The following KIF20B variants were observed in gnomAD, a reference collection of about 807,000 sequenced individuals.
KIF20B encodes the protein kinesin family member 20B, also known as kinesin-like protein KIF20B.
A neutral mutation model predicts 232.5 loss-of-function variants in KIF20B; 188 were observed. That is an observed-to-expected ratio of 0.81 (90% confidence interval 0.72 to 0.91). The LOEUF is 0.91. Ranked by LOEUF, KIF20B falls within the 40% of genes least tolerant of loss-of-function variation. KIF20B has a pLI of 0.00. For synonymous variants in KIF20B, 712 were observed against 683.0 expected, an observed-to-expected ratio of 1.04 and a Z score of -0.66; for missense variants, 2,154 against 2,055.9, an observed-to-expected ratio of 1.05 and a Z score of -0.92.
At chr10:89,745,511 A>G (rs1477796961) in intron 22 of KIF20B, among the ~76,000 whole-genome samples, 1 of 152,126 alleles carries the variant, frequency 6.6e-6, no homozygotes, top group Non-Finnish European at 1.5e-5. Flanking sequence ...TGGCAGAGGG[A>G]GACTCCATCT....
chr10:89,772,417 C>A (rs1300595379), intron 31 of KIF20B, among the ~76,000 whole-genome samples: 1 of 151,934 alleles, frequency 6.6e-6, no homozygotes, highest in Admixed American at 6.6e-5. Context: ...TTAAAGATGC[C>A]TGAGGTTTTT....
intron 13 of KIF20B, chr10:89,723,731 C>A: frequency 3.5e-6 from 1 of 283,206 alleles, no homozygotes; most frequent in Non-Finnish European, 6.3e-6. Flanking sequence ...TATAGCTAAA[C>A]AGTGAGACGA....
At chr10:89,757,813 T>C (rs1459580831) in intron 26 of KIF20B, among the ~76,000 whole-genome samples, 1 of 151,850 alleles carries the variant, frequency 6.6e-6, no homozygotes, top group South Asian at 2.1e-4. Context: ...GTATGTGTTG[T>C]AAGATTAGGG....
intron 22 of KIF20B, 122 bp downstream of exon 22, chr10:89,744,049 AAATT>A: frequency 1.4e-6 from 1 of 729,240 alleles, no homozygotes; most frequent in Non-Finnish European, 2.1e-6. Flanking sequence ...ATCTAGAAAT[AAATT>A]ATTTAAAATT....
intron 2 of KIF20B, among the ~76,000 whole-genome samples, chr10:89,706,341 A>G (rs768193904): frequency 5.9e-5 from 9 of 152,080 alleles, no homozygotes; most frequent in Non-Finnish European, 1.0e-4. Context: ...TTTGTGAGAA[A>G]TCTTTATGTA....
chr10:89,760,743 G>A (rs1342711033), intron 28 of KIF20B, 107 bp downstream of exon 28: 5 of 687,874 alleles, frequency 7.3e-6, no homozygotes, highest in African/African-American at 7.2e-5. Flanking sequence ...AATTAGCTGT[G>A]TGTGCTCTGG....
chr10:89,710,919 C>G (rs764619109), intron 5 of KIF20B, 42 bp from the exon 6 acceptor site: 3 of 1,510,356 alleles, frequency 2.0e-6, no homozygotes, highest in Non-Finnish European at 2.7e-6. Context: ...TTCCTCTTTC[C>G]TAGTAGACTG....
intron 31 of KIF20B, 83 bp from the exon 32 acceptor site, chr10:89,772,606 C>G: frequency 1.2e-6 from 1 of 844,706 alleles, no homozygotes; most frequent in Non-Finnish European, 1.8e-6. Context: ...TTAAGGATTT[C>G]AAACCATCTT....
At chr10:89,718,454 T>C (rs1446053533) in intron 11 of KIF20B, among the ~76,000 whole-genome samples, 3 of 152,196 alleles carry the variant, frequency 2.0e-5, no homozygotes, top group African/African-American at 7.2e-5. Flanking sequence ...GAGGCTACAG[T>C]GAGCTCTGAT....
chr10:89,754,590 A>C lies in KIF20B; in HGVS notation c.4420A>C (p.Lys1474Gln), dbSNP rs1024977291. 6.2e-7 allele frequency: 1 copy of C among 1,607,608 alleles called. No homozygotes were observed. Among genetic ancestry groups the C allele is most frequent in the African/African-American group, 1.3e-5 (1 of 74,908 alleles). The change falls in exon 26 of 33, where the codon AAA becomes CAA. Residue 1474 changes from lysine (K) to glutamine (Q), a missense_variant. Coordinates refer to ENST00000371728, the MANE Select transcript of KIF20B (RefSeq NM_001284259.2). ...EEKMMLITQA[K>Q]EAENIRNKEM... ...AAAAATGATGCTTATCACTCAAGCG[A>C]AAGAAGCAGAGAATATACGAAATAA... is the stretch of plus-strand genomic sequence containing the variant.
Position 89,738,094 on chromosome 10 carries a change from A to C in KIF20B, c.3253A>C (p.Ile1085Leu). The C allele has an allele frequency of 6.2e-7, 1 of 1,612,630 alleles. No individual in the cohort carries two copies. The highest frequency in any genetic ancestry group is 8.5e-7 in the Non-Finnish European group (1 of 1,179,622). ...SHQIEELEQQ[I>L]EKLQAEVKGY... ...TCAGATTGAGGAACTGGAACAACAA[A>C]TTGAAAAATTGCAGGCAGAAGTAAA... Residue 1085 changes from isoleucine (I) to leucine (L), a missense_variant, in exon 20 of 33, where the codon ATT becomes CTT. Coordinates refer to ENST00000371728, the MANE Select transcript of KIF20B (RefSeq NM_001284259.2).
At chr10:89,741,084 T>G (rs1229490842) in intron 21 of KIF20B, among the ~76,000 whole-genome samples, 2 of 152,202 alleles carry the variant, frequency 1.3e-5, no homozygotes, top group Non-Finnish European at 2.9e-5. Flanking sequence ...GTAGAATCAG[T>G]GGGAGCCCTG....
In KIF20B at chr10:89,711,220, A is replaced by G. The variant is rs1008398388; in HGVS notation, c.675+75A>G. The G allele has an allele frequency of 6.5e-6, 6 of 916,728 alleles. No individual in the cohort carries two copies. In the African/African-American group the frequency reaches 6.8e-5, roughly 10 times the overall value. The allele number at this position is 916,728 out of a possible 1,614,324, so 56.8% of individuals were successfully genotyped here. A position where few individuals can be genotyped will look rare whatever the true frequency, so the allele number is the denominator to read the frequency against. ...TAAACCCTTTAGATTGTTTCACCAT[A>G]TATTGGAATCTGGTTTGTGGTGGTA... On this transcript the variant is annotated intron_variant, in intron 6 of 32. Coordinates refer to ENST00000371728, the MANE Select transcript of KIF20B (RefSeq NM_001284259.2).
At chr10:89,743,754 AAGCAGT>A (rs764100820) in intron 21 of KIF20B, 48 bp from the exon 22 acceptor site, 561 of 1,195,542 alleles carry the variant, frequency 4.7e-4, no homozygotes, top group Admixed American at 9.8e-4. Flanking sequence ...AAATAACAAA[AAGCAGT>A]TAGTATTTTT....
At chr10:89,719,302 G>A in intron 12 of KIF20B, 117 bp from the exon 13 acceptor site, 1 of 700,112 alleles carries the variant, frequency 1.4e-6, no homozygotes, top group Non-Finnish European at 2.3e-6. Flanking sequence ...ATGTTTGTTT[G>A]AATAGTTTTT....
intron 29 of KIF20B, among the ~76,000 whole-genome samples, chr10:89,765,298 G>T (rs1333779462): frequency 6.6e-6 from 1 of 152,040 alleles, no homozygotes; most frequent in African/African-American, 2.4e-5. Context: ...GCTTCAAAGA[G>T]AATAAAATAC....
intron 21 of KIF20B, 129 bp downstream of exon 21, chr10:89,739,225 A>G: frequency 1.0e-5 from 10 of 1,003,412 alleles, no homozygotes; most frequent in South Asian, 1.7e-5. Flanking sequence ...TAAAATTACA[A>G]GAACAGTTAC....
chr10:89,751,110 A>G (rs1842012186), intron 23 of KIF20B, among the ~76,000 whole-genome samples: 1 of 151,948 alleles, frequency 6.6e-6, no homozygotes, highest in Admixed American at 6.6e-5. Context: ...CCATTCATCC[A>G]CTCTTGCAAT....
chr10:89,707,245 A>G (rs1382311247), intron 2 of KIF20B, among the ~76,000 whole-genome samples: 1 of 152,176 alleles, frequency 6.6e-6, no homozygotes, highest in Non-Finnish European at 1.5e-5. Flanking sequence ...ACATGTGCAT[A>G]CACTTATGTA....
Sources: allele counts gnomAD v4.1 joint callset (sites outside exome capture counted in the v4.1 genomes callset), GRCh38; gene constraint gnomAD v4.1.1; transcripts MANE v1.5; gene names NCBI Gene and HGNC (gene_info 2026-07-23, HGNC 2026-07-21).